The following SYN2 variants were observed in gnomAD, a reference collection of about 807,000 sequenced individuals.
SYN2 encodes synapsin-2.
In SYN2, 19 loss-of-function variants were observed where a neutral mutation model predicts 50.9. That is an observed-to-expected ratio of 0.37 (90% confidence interval 0.26 to 0.55). SYN2 has a LOEUF of 0.55. SYN2 is among the 20% of genes least tolerant of loss of function. The pLI is 0.81. For synonymous variants in SYN2, 255 were observed against 224.9 expected, an observed-to-expected ratio of 1.13 and a Z score of -1.20; for missense variants, 587 against 576.4, an observed-to-expected ratio of 1.02 and a Z score of -0.19.
chr3:12,033,615 T>C (rs1694430121), intron 1 of SYN2, among the ~76,000 whole-genome samples: 1 of 152,212 alleles, frequency 6.6e-6, no homozygotes, highest in Non-Finnish European at 1.5e-5. Context: ...CCACCACTTA[T>C]TTCAGAACAT....
At chr3:12,144,172 T>C (rs942627667) in intron 3 of SYN2, among the ~76,000 whole-genome samples, 1 of 152,224 alleles carries the variant, frequency 6.6e-6, no homozygotes, top group African/African-American at 2.4e-5. Flanking sequence ...TCCTCTGGAA[T>C]AGCGGTGGCT....
chr3:12,172,546 G>T (rs1299171338), intron 10 of SYN2, among the ~76,000 whole-genome samples: 1 of 152,220 alleles, frequency 6.6e-6, no homozygotes, highest in Non-Finnish European at 1.5e-5. Flanking sequence ...CGATTAGTTA[G>T]GACTCATGAC....
At chr3:12,070,984 A>G (rs1695339698) in intron 1 of SYN2, 1 of 548,404 alleles carries the variant, frequency 1.8e-6, no homozygotes, top group Non-Finnish European at 3.7e-6. Context: ...GGTCATCACC[A>G]TTGGCAACAA....
intron 11 of SYN2, among the ~76,000 whole-genome samples, chr3:12,186,218 G>T (rs1273481658): frequency 6.6e-6 from 1 of 151,968 alleles, no homozygotes; most frequent in Non-Finnish European, 1.5e-5. Flanking sequence ...CGTGGATGTG[G>T]ACTGTGGGAT....
At chr3:12,071,324 A>T (rs532294028) in intron 1 of SYN2, 1 of 569,478 alleles carries the variant, frequency 1.8e-6, no homozygotes, top group South Asian at 1.4e-5. Flanking sequence ...CAGGAGTACA[A>T]CAAGTTGGCC....
chr3:12,007,172 A>G (rs915299481), intron 1 of SYN2, among the ~76,000 whole-genome samples: 1 of 152,236 alleles, frequency 6.6e-6, no homozygotes, highest in African/African-American at 2.4e-5. Context: ...GGCATAAACT[A>G]GAGAATTTGC....
In SYN2 at chr3:12,169,881, G is replaced by A. The variant is rs1246689270; in HGVS notation, c.1283G>A (p.Arg428Lys). ...LSRTPALSPQRPLTTQQPQSG... is the reference protein window; with the variant it reads ...LSRTPALSPQKPLTTQQPQSG... ...AGGACTCCTGCCCTGTCTCCTCAGA[G>A]ACCCCTAACAACCCAGCAGCCACAG... Residue 428 changes from arginine to lysine, a missense_variant, in exon 10 of 13, where the codon AGA (arginine) becomes AAA (lysine). By Grantham distance (26) the Arg-to-Lys change is conservative. Transcript: ENST00000621198. The A allele has an allele frequency of 6.2e-7, 1 of 1,611,520 alleles. No homozygotes were observed. The highest frequency in any genetic ancestry group is 8.5e-7 in the Non-Finnish European group (1 of 1,178,912).
chr3:12,190,775 C>T lies in SYN2; in HGVS notation c.*150C>T. 7.1e-7 allele frequency: 1 copy of T among 1,405,322 alleles called. No individual in the cohort carries two copies. 87.1% of individuals were successfully genotyped at this position (1,405,322 alleles called of 1,614,324 possible). Reference sequence around the variant, plus strand: ...TGTTGTACTAAGTGATGTTGTGCAGCCCAGAAAGGACCATTTGACAGTCTC... The same window carrying T: ...TGTTGTACTAAGTGATGTTGTGCAGTCCAGAAAGGACCATTTGACAGTCTC... On this transcript the variant is annotated 3_prime_UTR_variant, in exon 13 of 13. Coordinates refer to ENST00000621198, the MANE Select transcript of SYN2 (RefSeq NM_133625.6).
chr3:12,068,125 A>G (rs531455926), intron 1 of SYN2, among the ~76,000 whole-genome samples: 3 of 152,364 alleles, frequency 2.0e-5, no homozygotes, highest in South Asian at 2.1e-4. Flanking sequence ...TATTTGATAT[A>G]TATCTACCAC....
chr3:12,093,388 A>G (rs969285372), intron 1 of SYN2, among the ~76,000 whole-genome samples: 6 of 152,222 alleles, frequency 3.9e-5, no homozygotes, highest in African/African-American at 1.2e-4. Context: ...TGACATCATT[A>G]GACCCACTTT....
intron 1 of SYN2, among the ~76,000 whole-genome samples, chr3:12,066,193 TAATG>T (rs1695214764): frequency 2.0e-5 from 3 of 152,186 alleles, no homozygotes; most frequent in Non-Finnish European, 2.9e-5. Flanking sequence ...CAGTTAATAA[TAATG>T]AATCAATATT....
intron 1 of SYN2, among the ~76,000 whole-genome samples, chr3:12,063,094 A>C (rs1329418649): frequency 1.3e-5 from 2 of 151,862 alleles, no homozygotes; most frequent in Admixed American, 6.6e-5. Context: ...GGGAGGACTT[A>C]AATACAGTGA....
At chr3:12,023,726 A>C (rs1037594634) in intron 1 of SYN2, among the ~76,000 whole-genome samples, 1 of 152,202 alleles carries the variant, frequency 6.6e-6, no homozygotes, top group Non-Finnish European at 1.5e-5. Flanking sequence ...GCTGTACTTA[A>C]GAAGGTTTAT....
chr3:12,090,954 A>G (rs1695812001), intron 1 of SYN2, among the ~76,000 whole-genome samples: 1 of 152,202 alleles, frequency 6.6e-6, no homozygotes, highest in African/African-American at 2.4e-5. Context: ...TCTATTCCAT[A>G]ATATTGTGTT....
chr3:12,057,017 G>A (rs1695004944), intron 1 of SYN2, among the ~76,000 whole-genome samples: 1 of 152,320 alleles, frequency 6.6e-6, no homozygotes, highest in Middle Eastern at 3.4e-3. Flanking sequence ...TGGGCCAGGT[G>A]TGGTGGCTCA....
chr3:12,020,651 C>G (rs549551090), intron 1 of SYN2, among the ~76,000 whole-genome samples: 1 of 152,104 alleles, frequency 6.6e-6, no homozygotes, highest in Non-Finnish European at 1.5e-5. Context: ...CTAGATGTAT[C>G]TTAGAAACAG....
At chr3:12,101,983 AT>A (rs1696086983) in intron 1 of SYN2, among the ~76,000 whole-genome samples, 1 of 152,178 alleles carries the variant, frequency 6.6e-6, no homozygotes, top group Admixed American at 6.5e-5. Context: ...GCAGAGTGTG[AT>A]CAGAGTTATC....
intron 1 of SYN2, among the ~76,000 whole-genome samples, chr3:12,021,942 C>T (rs759353033): frequency 6.6e-5 from 10 of 151,960 alleles, no homozygotes; most frequent in Non-Finnish European, 2.9e-5. Flanking sequence ...TGGTGGTGTG[C>T]ACCTGTAATC....
intron 1 of SYN2, among the ~76,000 whole-genome samples, chr3:12,128,853 C>T (rs1696728283): frequency 6.6e-6 from 1 of 152,102 alleles, no homozygotes; most frequent in Admixed American, 6.5e-5. Context: ...CTGTGGTGCA[C>T]TTGATACTTT....
Sources: gnomAD v4.1 joint callset for allele counts (sites outside exome capture counted in the v4.1 genomes callset) on GRCh38, gnomAD v4.1.1 for gene constraint, MANE v1.5 for transcripts, NCBI Gene and HGNC (gene_info 2026-07-23, HGNC 2026-07-21) for gene names.